The following CFAP95 variants were observed in gnomAD, a reference collection of about 807,000 sequenced individuals.
The protein encoded by CFAP95 is cilia- and flagella-associated protein 95.
the CFAP95 span, among the ~76,000 whole-genome samples, chr9:69,852,408 C>T: frequency 6.6e-6 from 1 of 152,058 alleles, no homozygotes; most frequent in Non-Finnish European, 1.5e-5. Flanking sequence ...TAAAAACAAA[C>T]AAAAATGGTT....
the CFAP95 span, among the ~76,000 whole-genome samples, chr9:69,847,420 A>G: frequency 6.6e-6 from 1 of 152,158 alleles, no homozygotes; most frequent in Non-Finnish European, 1.5e-5. Context: ...ATTAAAATCT[A>G]TTGTTCTTCT....
At chr9:69,896,184 T>C in the CFAP95 span, among the ~76,000 whole-genome samples, 3 of 152,272 alleles carry the variant, frequency 2.0e-5, no homozygotes, top group South Asian at 4.1e-4. Flanking sequence ...GTGGCAAAGG[T>C]AAATGTCCTC....
the CFAP95 span, among the ~76,000 whole-genome samples, chr9:69,844,112 T>C: frequency 6.6e-6 from 1 of 152,176 alleles, no homozygotes; most frequent in Admixed American, 6.5e-5. Flanking sequence ...TGCTGTCTTG[T>C]TTTGAAAAAA....
the CFAP95 span, among the ~76,000 whole-genome samples, chr9:69,836,737 T>A: frequency 6.7e-6 from 1 of 150,264 alleles, no homozygotes; most frequent in African/African-American, 2.4e-5. Flanking sequence ...TTATTTATTT[T>A]TTATTATTAT....
the CFAP95 span, among the ~76,000 whole-genome samples, chr9:69,832,619 G>GTT: frequency 7.1e-5 from 1 of 14,116 alleles, no homozygotes; most frequent in African/African-American, 2.5e-4. Flanking sequence ...AGTCTATTCG[G>GTT]ATTTTTTTTT....
chr9:69,823,128 C>A, the CFAP95 span, among the ~76,000 whole-genome samples: 1 of 152,152 alleles, frequency 6.6e-6, no homozygotes, highest in African/African-American at 2.4e-5. Flanking sequence ...AGGAAACTTA[C>A]AACCATGGTG....
At chr9:69,830,646 A>G in the CFAP95 span, among the ~76,000 whole-genome samples, 7 of 152,110 alleles carry the variant, frequency 4.6e-5, no homozygotes, top group African/African-American at 1.4e-4. Flanking sequence ...AAATTTGAGT[A>G]CTCTTATTTT....
the CFAP95 span, among the ~76,000 whole-genome samples, chr9:69,838,135 C>G: frequency 6.6e-6 from 1 of 152,118 alleles, no homozygotes; most frequent in South Asian, 2.1e-4. Context: ...GTGACTGTAG[C>G]CTTGTAGTAT....
chr9:69,886,556 G>A, the CFAP95 span, among the ~76,000 whole-genome samples: 1 of 152,136 alleles, frequency 6.6e-6, no homozygotes, highest in Non-Finnish European at 1.5e-5. Context: ...CTAATTGACA[G>A]CAATTGGATT....
the CFAP95 span, among the ~76,000 whole-genome samples, chr9:69,836,103 A>C: frequency 3.3e-5 from 5 of 152,106 alleles, no homozygotes; most frequent in African/African-American, 1.2e-4. Context: ...GTTTTTACTG[A>C]TTGTTGGTGT....
chr9:69,888,614 G>T, the CFAP95 span, among the ~76,000 whole-genome samples: 1 of 152,152 alleles, frequency 6.6e-6, no homozygotes, highest in African/African-American at 2.4e-5. Context: ...GGTGGCTCAG[G>T]CCTGTAATCC....
At chr9:69,874,200 A>C in the CFAP95 span, among the ~76,000 whole-genome samples, 1 of 152,080 alleles carries the variant, frequency 6.6e-6, no homozygotes, top group African/African-American at 2.4e-5. Context: ...CATGGAGATC[A>C]ACTCGTGCTC....
the CFAP95 span, among the ~76,000 whole-genome samples, chr9:69,842,981 G>C: frequency 6.6e-6 from 1 of 152,202 alleles, no homozygotes; most frequent in Non-Finnish European, 1.5e-5. Flanking sequence ...TAGTCCAGTG[G>C]GGGTGGGGAA....
the CFAP95 span, among the ~76,000 whole-genome samples, chr9:69,831,076 A>C: frequency 6.6e-6 from 1 of 152,234 alleles, no homozygotes; most frequent in South Asian, 2.1e-4. Flanking sequence ...TTTTTATTTA[A>C]CTAAGTTGTG....
At chr9:69,905,339 A>G in the CFAP95 span, among the ~76,000 whole-genome samples, 3 of 152,206 alleles carry the variant, frequency 2.0e-5, no homozygotes, top group Non-Finnish European at 4.4e-5. Context: ...GTCTGCCATT[A>G]CCCTTGGTGT....
the CFAP95 span, among the ~76,000 whole-genome samples, chr9:69,838,340 G>A: frequency 0.17 from 25,011 of 151,322 alleles, 2,607 homozygotes; most frequent in Admixed American, 0.24. Flanking sequence ...CCATTTTCAC[G>A]ATATTGATTC....
chr9:69,873,410 GTTTT>G, the CFAP95 span, among the ~76,000 whole-genome samples: 1 of 151,096 alleles, frequency 6.6e-6, no homozygotes, highest in Non-Finnish European at 1.5e-5. Context: ...CTCAACCTAA[GTTTT>G]TTTGTTTGTT....
the CFAP95 span, among the ~76,000 whole-genome samples, chr9:69,851,655 A>G: frequency 1.6e-4 from 24 of 152,250 alleles, no homozygotes; most frequent in East Asian, 3.1e-3. Context: ...TCTCAGAGTG[A>G]TCATGAAAAA....
the CFAP95 span, among the ~76,000 whole-genome samples, chr9:69,831,659 G>T: frequency 3.3e-5 from 5 of 152,128 alleles, no homozygotes; most frequent in East Asian, 9.6e-4. Context: ...GCATCCAAGA[G>T]GAGCCTTTAA....
Sources: gnomAD v4.1 joint callset for allele counts (sites outside exome capture counted in the v4.1 genomes callset) on GRCh38, gnomAD v4.1.1 for gene constraint, MANE v1.5 for transcripts, NCBI Gene and HGNC (gene_info 2026-07-23, HGNC 2026-07-21) for gene names.